RSPO2: variants seen among roughly 807,000 people sequenced by gnomAD.
The protein encoded by RSPO2 is R-spondin 2.
RSPO2 carries 14 observed loss-of-function variants against 30.9 expected under a neutral mutation model. That is an observed-to-expected ratio of 0.45 (90% CI 0.30 to 0.71). RSPO2 has a LOEUF of 0.71. RSPO2 is among the 30% of genes least tolerant of loss of function. RSPO2 has a pLI of 0.08. For synonymous variants in RSPO2, 107 were observed against 96.4 expected (o/e 1.11, Z -0.64); for missense variants, 264 against 301.9 (o/e 0.87, Z 0.93).
intron 5 of RSPO2, among the ~76,000 whole-genome samples, chr8:107,948,843 G>A (rs1813147863): frequency 7.0e-6 from 1 of 143,866 alleles, no homozygotes; most frequent in African/African-American, 2.6e-5. Flanking sequence ...CTGGGCAACA[G>A]AGCAAGACTC....
At chr8:108,062,104 C>G (rs181668735) in intron 2 of RSPO2, among the ~76,000 whole-genome samples, 2 of 151,528 alleles carry the variant, frequency 1.3e-5, no homozygotes, top group African/African-American at 4.9e-5. Context: ...AAATTGACAC[C>G]CTAACATCAC....
At chr8:107,916,561 T>TTA (rs1164698896) in intron 5 of RSPO2, among the ~76,000 whole-genome samples, 1 of 152,188 alleles carries the variant, frequency 6.6e-6, no homozygotes, top group Non-Finnish European at 1.5e-5. Flanking sequence ...TGGTAAAAGA[T>TTA]TATAAGAAGG....
chr8:107,979,677 A>T (rs559278186), intron 3 of RSPO2, among the ~76,000 whole-genome samples: 85 of 144,726 alleles, frequency 5.9e-4, no homozygotes, highest in Admixed American at 1.3e-3. Flanking sequence ...AATAATAATT[A>T]AAAAAAAAAA....
chr8:107,958,597 GTA>G (rs754523740), intron 4 of RSPO2, among the ~76,000 whole-genome samples: 3 of 152,166 alleles, frequency 2.0e-5, no homozygotes, highest in Non-Finnish European at 4.4e-5. Flanking sequence ...TGTTACATAG[GTA>G]AACATGTGCC....
intron 3 of RSPO2, among the ~76,000 whole-genome samples, chr8:107,964,586 T>A (rs148953936): frequency 0.014 from 2,119 of 152,190 alleles, 38 homozygotes; most frequent in African/African-American, 0.047. Flanking sequence ...CCAGGAGGTC[T>A]CCTACTTGAT....
chr8:108,062,439 G>A (rs1216215586), intron 2 of RSPO2, among the ~76,000 whole-genome samples: 1 of 151,864 alleles, frequency 6.6e-6, no homozygotes, highest in Non-Finnish European at 1.5e-5. Flanking sequence ...AAATCTAGAA[G>A]AAATGGATAA....
intron 2 of RSPO2, among the ~76,000 whole-genome samples, chr8:107,990,996 C>T (rs1485673955): frequency 3.3e-5 from 5 of 152,068 alleles, no homozygotes; most frequent in African/African-American, 4.8e-5. Context: ...TTTGGGAGGC[C>T]GAGGCAGGCA....
At chr8:107,916,265 C>A (rs1174916250) in intron 5 of RSPO2, among the ~76,000 whole-genome samples, 1 of 152,112 alleles carries the variant, frequency 6.6e-6, no homozygotes. Context: ...CTGCCTCTGA[C>A]ATTTAAAAAA....
chr8:108,063,481 G>A (rs1185692523), intron 2 of RSPO2, among the ~76,000 whole-genome samples: 1 of 151,850 alleles, frequency 6.6e-6, no homozygotes, highest in Non-Finnish European at 1.5e-5. Context: ...CAAGGGACAT[G>A]AAGGACCTCT....
At chr8:107,973,182 A>G (rs539249928) in intron 3 of RSPO2, among the ~76,000 whole-genome samples, 1 of 151,470 alleles carries the variant, frequency 6.6e-6, no homozygotes, top group South Asian at 2.1e-4. Context: ...AGCCAGGAGT[A>G]TGGCGTGAAC....
chr8:108,014,836 AAGT>A (rs1563564230), intron 2 of RSPO2, among the ~76,000 whole-genome samples: 1 of 146,432 alleles, frequency 6.8e-6, no homozygotes, highest in Non-Finnish European at 1.5e-5. Flanking sequence ...CCAGAACTTA[AAGT>A]ATAATAAAAA....
At chr8:108,034,709 C>T (rs1040945795) in intron 2 of RSPO2, among the ~76,000 whole-genome samples, 5 of 152,206 alleles carry the variant, frequency 3.3e-5, no homozygotes, top group African/African-American at 1.2e-4. Context: ...GTTGTGAGTC[C>T]ACAGTAGCAT....
intron 5 of RSPO2, among the ~76,000 whole-genome samples, chr8:107,907,583 A>C (rs1226586662): frequency 6.6e-6 from 1 of 152,234 alleles, no homozygotes; most frequent in South Asian, 2.1e-4. Context: ...TGATCTACAG[A>C]TAACTTACAA....
intron 2 of RSPO2, among the ~76,000 whole-genome samples, chr8:108,016,142 T>A (rs1226780088): frequency 6.6e-6 from 1 of 152,138 alleles, no homozygotes; most frequent in Admixed American, 6.5e-5. Context: ...TCCAGGACCA[T>A]CCAAAATAGT....
chr8:108,035,454 T>C (rs1811562214), intron 2 of RSPO2, among the ~76,000 whole-genome samples: 1 of 151,984 alleles, frequency 6.6e-6, no homozygotes, highest in South Asian at 2.1e-4. Flanking sequence ...TGTTTTTTTG[T>C]TTTGTTTGTT....
chr8:107,921,232 G>C (rs148423258), intron 5 of RSPO2, among the ~76,000 whole-genome samples: 9 of 150,788 alleles, frequency 6.0e-5, no homozygotes, highest in African/African-American at 2.0e-4. Context: ...AATAAGTTTT[G>C]AAAAATTTCT....
chr8:108,008,155 G>T (rs1323945469), intron 2 of RSPO2, among the ~76,000 whole-genome samples: 1 of 152,044 alleles, frequency 6.6e-6, no homozygotes, highest in Non-Finnish European at 1.5e-5. Flanking sequence ...CATTTCTAGG[G>T]CCACCATATA....
intron 3 of RSPO2, among the ~76,000 whole-genome samples, chr8:107,968,038 C>G (rs1469745391): frequency 6.6e-6 from 1 of 152,020 alleles, no homozygotes; most frequent in African/African-American, 2.4e-5. Context: ...TAAAAGTGAG[C>G]TTTTATAAGT....
At chr8:108,035,366 G>C (rs1811556976) in intron 2 of RSPO2, among the ~76,000 whole-genome samples, 2 of 152,222 alleles carry the variant, frequency 1.3e-5, no homozygotes, top group South Asian at 4.1e-4. Context: ...TAGTAACACA[G>C]ACACAATTAG....
Sources: allele counts gnomAD v4.1 joint callset (sites outside exome capture counted in the v4.1 genomes callset), GRCh38; gene constraint gnomAD v4.1.1; transcripts MANE v1.5; gene names NCBI Gene and HGNC (gene_info 2026-07-23, HGNC 2026-07-21).